CAB39: variants seen among roughly 807,000 people sequenced by gnomAD.
The protein encoded by CAB39 is calcium binding protein 39.
In CAB39, 8 loss-of-function variants were observed where a neutral mutation model predicts 40.0. That is an observed-to-expected ratio of 0.20 (90% CI 0.12 to 0.36). The LOEUF (loss-of-function observed/expected upper bound fraction) is 0.36, where lower values mean the gene tolerates loss of function less well. Ranked by LOEUF, CAB39 falls within the 10% of genes least tolerant of loss-of-function variation. The pLI is 1.00. For missense variants in CAB39, 270 were observed against 401.1 expected (o/e 0.67, Z 2.79); for synonymous variants, 156 against 141.6 (o/e 1.10, Z -0.72).
intron 2 of CAB39, among the ~76,000 whole-genome samples, chr2:230,767,857 G>T (rs1456468076): frequency 6.6e-6 from 1 of 152,022 alleles, no homozygotes; most frequent in Non-Finnish European, 1.5e-5. Context: ...TGCCTGGAAG[G>T]TTCTTTCCCT....
chr2:230,753,462 A>C lies in CAB39; in HGVS notation c.-43-6497A>C, dbSNP rs58301421. 4.4e-3 allele frequency among the ~76,000 whole-genome samples: 675 copies of C among 152,286 alleles called. 4 individuals carry two copies. Among genetic ancestry groups the C allele is most frequent in the African/African-American group, 0.015 (633 of 41,566 alleles). On this transcript the variant is annotated intron_variant, in intron 1 of 8. Coordinates refer to ENST00000258418, the MANE Select transcript of CAB39 (RefSeq NM_016289.4). ...AGGAATCCTGCTGAGGTTTATTATA[A>C]ACCATTTTTTGGCCAGACGTGGTGG...
At chr2:230,725,379 C>A in intron 1 of CAB39, 1 of 1,600,608 alleles carries the variant, frequency 6.2e-7, no homozygotes, top group Middle Eastern at 2.2e-4. Context: ...GCCACGAAGT[C>A]TCGGTGCTTT....
chr2:230,817,855 C>T lies in CAB39; in HGVS notation c.795C>T (p.Asp265=). Residue 265 remains aspartate, a synonymous_variant, in exon 8 of 9, where the codon GAC becomes GAT. Coordinates refer to ENST00000258418, the MANE Select transcript of CAB39 (RefSeq NM_016289.4). ...AATTAATGATGAACCTGCTGCGAGA[C>T]AAAAGTCGCAACATCCAGTTTGAGG... The part of the protein sequence containing the change: ...NLKLMMNLLR[D]KSRNIQFEAF... The T allele has an allele frequency of 6.2e-7, 1 of 1,612,912 alleles. No homozygotes were observed. The highest frequency in any genetic ancestry group is 8.5e-7 in the Non-Finnish European group (1 of 1,179,644).
intron 1 of CAB39, among the ~76,000 whole-genome samples, chr2:230,738,205 C>T (rs1694819722): frequency 6.6e-6 from 1 of 152,182 alleles, no homozygotes; most frequent in African/African-American, 2.4e-5. Flanking sequence ...GGATTTAAGT[C>T]TTCTGTATTT....
chr2:230,740,547 G>A (rs947862654), intron 1 of CAB39, among the ~76,000 whole-genome samples: 1 of 152,158 alleles, frequency 6.6e-6, no homozygotes, highest in Non-Finnish European at 1.5e-5. Context: ...GTTTTTCCAC[G>A]GACTAGGGCT....
At chr2:230,761,480 G>A (rs1216796468) in intron 2 of CAB39, among the ~76,000 whole-genome samples, 2 of 152,074 alleles carry the variant, frequency 1.3e-5, no homozygotes, top group East Asian at 3.9e-4. Context: ...CAGCATAGTT[G>A]TTGTATCACT....
chr2:230,800,789 G>A (rs965150324), intron 5 of CAB39, among the ~76,000 whole-genome samples: 1 of 152,196 alleles, frequency 6.6e-6, no homozygotes, highest in Non-Finnish European at 1.5e-5. Context: ...GTGGCTCAGA[G>A]GTGAGAGAGA....
intron 6 of CAB39, among the ~76,000 whole-genome samples, chr2:230,812,456 T>A (rs977162619): frequency 1.3e-5 from 2 of 152,242 alleles, no homozygotes; most frequent in African/African-American, 2.4e-5. Context: ...GCCACATACA[T>A]ACTTTTCAGG....
chr2:230,778,724 A>G (rs149772185), intron 2 of CAB39, among the ~76,000 whole-genome samples: 1 of 152,308 alleles, frequency 6.6e-6, no homozygotes, highest in East Asian at 1.9e-4. Context: ...GTTACACGTT[A>G]CTTAACAACA....
chr2:230,744,699 T>C (rs1400788925), intron 1 of CAB39, among the ~76,000 whole-genome samples: 1 of 152,268 alleles, frequency 6.6e-6, no homozygotes, highest in Non-Finnish European at 1.5e-5. Flanking sequence ...CTTGAAATAA[T>C]CTGTTGTGTT....
In CAB39 at chr2:230,814,094, A is replaced by T; in HGVS notation, c.673A>T (p.Thr225Ser). 1 of 1,488,718 alleles carries T rather than the reference A, an allele frequency of 6.7e-7. No individual in the cohort carries two copies. The highest frequency in any genetic ancestry group is 9.2e-7 in the Non-Finnish European group (1 of 1,084,198). The allele number at this position is 1,488,718 out of a possible 1,614,324, so 92.2% of individuals were successfully genotyped here. The change falls in exon 7 of 9, where the codon ACA (threonine) becomes TCA (serine). Residue 225 changes from threonine (T) to serine (S), a missense_variant. Physicochemically the swap from Thr to Ser is moderately conservative, Grantham distance 58. Transcript: ENST00000258418. ...EKLLHSENYV[T>S]KRQSLKLLGE... ...GTTACTTCATTCAGAAAATTATGTG[A>T]CAAAAAGACAGTCACTGAAGGTATG...
chr2:230,722,576 C>T (rs1003661687), intron 1 of CAB39, among the ~76,000 whole-genome samples: 1 of 152,192 alleles, frequency 6.6e-6, no homozygotes, highest in African/African-American at 2.4e-5. Context: ...GTGTTTAATG[C>T]CTCTTTTTCC....
rs1195251767 is a variant in CAB39 at position 230,820,087 on chromosome 2, A to T, written c.*1383A>T. The T allele has an allele frequency of 3.9e-5, 6 of 152,626 alleles. No individual in the cohort carries two copies. Among genetic ancestry groups the T allele is most frequent in the Non-Finnish European group, 7.3e-5 (5 of 68,042 alleles). The allele number at this position is 152,626 out of a possible 1,614,324, so 9.5% of individuals were successfully genotyped here. ...TTTGCACCACTTTTTTGTTACTGTG[A>T]CCACGGCAGAACAATGTCTTCTAGA... is the stretch of plus-strand genomic sequence containing the variant. On this transcript the variant is annotated 3_prime_UTR_variant, in exon 9 of 9. Coordinates refer to ENST00000258418, the MANE Select transcript of CAB39 (RefSeq NM_016289.4).
At chr2:230,731,078 A>G (rs903359870) in intron 1 of CAB39, among the ~76,000 whole-genome samples, 5 of 152,220 alleles carry the variant, frequency 3.3e-5, no homozygotes, top group Non-Finnish European at 7.3e-5. Context: ...TGGGATTTAA[A>G]CTGGTGTCTG....
intron 2 of CAB39, among the ~76,000 whole-genome samples, chr2:230,785,932 A>T (rs1050205153): frequency 4.6e-5 from 7 of 150,746 alleles, no homozygotes; most frequent in Non-Finnish European, 1.0e-4. Flanking sequence ...TGGGAGGCCG[A>T]GGCAGGCGGA....
At chr2:230,806,066 C>T (rs938542402) in intron 5 of CAB39, among the ~76,000 whole-genome samples, 1 of 152,066 alleles carries the variant, frequency 6.6e-6, no homozygotes, top group African/African-American at 2.4e-5. Context: ...CTTGAGGACC[C>T]AGCTGTATAA....
At chr2:230,721,002 T>C (rs1333055544) in intron 1 of CAB39, among the ~76,000 whole-genome samples, 3 of 152,198 alleles carry the variant, frequency 2.0e-5, no homozygotes, top group African/African-American at 4.8e-5. Flanking sequence ...AGATTGTAAT[T>C]TATTTGGATA....
At chr2:230,725,834 A>T (rs923854878) in intron 1 of CAB39, among the ~76,000 whole-genome samples, 7 of 152,242 alleles carry the variant, frequency 4.6e-5, no homozygotes, top group Non-Finnish European at 1.0e-4. Context: ...AAATGGAGCC[A>T]TGCAAGAAAA....
intron 1 of CAB39, among the ~76,000 whole-genome samples, chr2:230,749,425 CTTT>C (rs1695046420): frequency 6.6e-6 from 1 of 151,956 alleles, no homozygotes; most frequent in African/African-American, 2.4e-5. Context: ...TTAAAATACA[CTTT>C]TTATATTTAG....
Sources: gnomAD v4.1 joint callset for allele counts (sites outside exome capture counted in the v4.1 genomes callset) on GRCh38, gnomAD v4.1.1 for gene constraint, MANE v1.5 for transcripts, NCBI Gene and HGNC (gene_info 2026-07-23, HGNC 2026-07-21) for gene names.